Variants in DENND10 observed in about 807,000 individuals in gnomAD.
DENND10 encodes DENN domain containing 10.
Under a neutral mutation model 43.6 loss-of-function variants are expected in DENND10, and 24 were observed. The observed-to-expected ratio is 0.55, with a 90% confidence interval of 0.40 to 0.77. The LOEUF is 0.77. Among genes scored for constraint, DENND10 ranks in the 30% least tolerant of loss-of-function variants. DENND10 has a pLI of 0.00. For synonymous variants in DENND10, 125 were observed against 157.6 expected, an observed-to-expected ratio of 0.79 and a Z score of 1.55; for missense variants, 303 against 429.9, an observed-to-expected ratio of 0.70 and a Z score of 2.61.
chr10:119,104,351 G>C (rs1844577568), intron 1 of DENND10, among the ~76,000 whole-genome samples, 154 bp downstream of exon 1: 1 of 151,670 alleles, frequency 6.6e-6, no homozygotes, highest in African/African-American at 2.4e-5. Flanking sequence ...GGGGACTGCG[G>C]AGCCCGGCCT....
chr10:119,111,980 A>G (rs1464368535), intron 3 of DENND10, 52 bp downstream of exon 3: 10 of 1,310,068 alleles, frequency 7.6e-6, no homozygotes, highest in African/African-American at 4.4e-5. Context: ...AGACCTTAGT[A>G]TAGTTACATA....
At chr10:119,123,814 C>G (rs540000964) in intron 6 of DENND10, among the ~76,000 whole-genome samples, 1 of 151,790 alleles carries the variant, frequency 6.6e-6, no homozygotes, top group East Asian at 1.9e-4. Flanking sequence ...TGTGCATTCC[C>G]AAGTGGGATA....
rs375740201 is a variant in DENND10 at position 119,123,427 on chromosome 10, T to A, written c.594-42T>A. The A allele has an allele frequency of 1.7e-4, 237 of 1,432,084 alleles. No homozygotes were observed. In the African/African-American group the frequency reaches 3.1e-3, roughly 19 times the overall value. The allele number at this position is 1,432,084 out of a possible 1,614,324, so 88.7% of individuals were successfully genotyped here. ...AAGGGGGCAGGCTGAGTCTTTAAGG[T>A]GTGGACCAGCAACAACTTGAGTTCT... On this transcript the variant is annotated intron_variant, in intron 5 of 8. Coordinates refer to ENST00000361432, the MANE Select transcript of DENND10 (RefSeq NM_207009.4).
At chr10:119,126,547 C>T (rs1263562284) in intron 6 of DENND10, among the ~76,000 whole-genome samples, 12 of 152,184 alleles carry the variant, frequency 7.9e-5, no homozygotes, top group Non-Finnish European at 1.6e-4. Flanking sequence ...TCACTGCAAC[C>T]TCCACTTCCC....
chr10:119,107,587 A>G (rs766813254), intron 1 of DENND10, among the ~76,000 whole-genome samples: 40 of 151,986 alleles, frequency 2.6e-4, no homozygotes, highest in Admixed American at 1.6e-3. Flanking sequence ...TATTATTAGT[A>G]GAGATGGGGT....
intron 6 of DENND10, among the ~76,000 whole-genome samples, chr10:119,128,962 A>T (rs1485537220): frequency 3.3e-5 from 5 of 152,116 alleles, no homozygotes; most frequent in Non-Finnish European, 7.4e-5. Context: ...TCGACATGAG[A>T]TTTGGGTGGG....
At chr10:119,124,352 C>T (rs1422513194) in intron 6 of DENND10, among the ~76,000 whole-genome samples, 1 of 135,528 alleles carries the variant, frequency 7.4e-6, no homozygotes, top group African/African-American at 2.8e-5. Flanking sequence ...ATGGGGAAAC[C>T]GTATCTCTAC....
chr10:119,133,478 T>C (rs1242255424), intron 8 of DENND10: 1 of 152,260 alleles, frequency 6.6e-6, no homozygotes, highest in Non-Finnish European at 1.5e-5. Flanking sequence ...TGTTAGGCAT[T>C]GCACTGGCAG....
chr10:119,118,401 C>T (rs1845399526), intron 4 of DENND10, among the ~76,000 whole-genome samples: 1 of 152,194 alleles, frequency 6.6e-6, no homozygotes, highest in East Asian at 1.9e-4. Flanking sequence ...GCCTTGACCA[C>T]AAACTCCTAA....
intron 5 of DENND10, among the ~76,000 whole-genome samples, chr10:119,121,655 A>G (rs1399221914): frequency 1.3e-5 from 2 of 151,488 alleles, no homozygotes; most frequent in African/African-American, 4.9e-5. Context: ...GGGTTTCACC[A>G]TGTTGGCCAA....
intron 6 of DENND10, among the ~76,000 whole-genome samples, chr10:119,125,197 C>T (rs947541316): frequency 9.9e-5 from 15 of 151,852 alleles, no homozygotes; most frequent in African/African-American, 2.9e-4. Context: ...GTCTCAAATT[C>T]CTTACCTTAG....
At chr10:119,116,590 C>T (rs1033607930) in intron 3 of DENND10, among the ~76,000 whole-genome samples, 1 of 152,032 alleles carries the variant, frequency 6.6e-6, no homozygotes, top group Admixed American at 6.6e-5. Flanking sequence ...ACAAGGGGCT[C>T]CCAGATGTAA....
At chr10:119,105,467 T>G (rs1366951737) in intron 1 of DENND10, 3 of 1,014,614 alleles carry the variant, frequency 3.0e-6, no homozygotes, top group Non-Finnish European at 3.9e-6. Flanking sequence ...GTATTTTTTG[T>G]GGAGATGGGA....
intron 3 of DENND10, among the ~76,000 whole-genome samples, chr10:119,113,006 C>T (rs11198779): frequency 0.35 from 53,234 of 151,406 alleles, 9,740 homozygotes; most frequent in Non-Finnish European, 0.4. Flanking sequence ...GGTGCCACCA[C>T]GCCCAGCTAA....
rs771606570 is a variant in DENND10, at chr10:119,132,515, A to G, written c.803A>G (p.Glu268Gly). 1 of 1,611,072 alleles carries G rather than the reference A, an allele frequency of 6.2e-7. No individual in the cohort carries two copies. The highest frequency in any genetic ancestry group is 8.5e-7 in the Non-Finnish European group (1 of 1,177,192). ...ATATTCACCTTCTTGATCTCACCAG[A>G]GGCCATGGCAATGGGCAAACTGCAC... ...SEITIAPLAK[E>G]AMAMGKLHKE... Residue 268 changes from glutamate (E) to glycine (G), a missense_variant and splice_region_variant, in exon 8 of 9, where the codon GAG becomes GGG. Transcript: ENST00000361432. This position sits in a 1 kb window ranked among gnomAD's most constrained non-coding sequence, Gnocchi z 4.2.
chr10:119,109,829 T>C (rs1469012721), intron 2 of DENND10, among the ~76,000 whole-genome samples: 1 of 151,986 alleles, frequency 6.6e-6, no homozygotes, highest in Non-Finnish European at 1.5e-5. Flanking sequence ...TTTTTATTTT[T>C]TGAGTCAGAG....
chr10:119,107,188 G>A (rs1229714723), intron 1 of DENND10, among the ~76,000 whole-genome samples: 1 of 151,816 alleles, frequency 6.6e-6, no homozygotes, highest in Non-Finnish European at 1.5e-5. Flanking sequence ...ATGGTGGTGG[G>A]CACCTGTAAT....
chr10:119,107,961 A>G lies in DENND10; in HGVS notation c.56-7A>G, dbSNP rs201435821. ...ACATTCTCACAGTGACCATCTTTCCACCGTAGAAAAGGACACAAATGGAGA... is the reference window on the plus strand; with the variant it reads ...ACATTCTCACAGTGACCATCTTTCCGCCGTAGAAAAGGACACAAATGGAGA... On this transcript the variant is annotated splice_polypyrimidine_tract_variant and splice_region_variant and intron_variant, in intron 1 of 8. Transcript: ENST00000361432. The G allele has an allele frequency of 6.2e-7, 1 of 1,613,784 alleles. No homozygotes were observed. Among genetic ancestry groups the G allele is most frequent in the African/African-American group, 1.3e-5 (1 of 75,022 alleles).
chr10:119,123,421 T>C (rs1293905391), intron 5 of DENND10, 48 bp from the exon 6 acceptor site: 1 of 1,391,550 alleles, frequency 7.2e-7, no homozygotes, highest in Non-Finnish European at 1.0e-6. Context: ...GGCTGAGTCT[T>C]TAAGGTGTGG....
Sources: gnomAD v4.1 joint callset for allele counts (sites outside exome capture counted in the v4.1 genomes callset) on GRCh38, gnomAD v4.1.1 for gene constraint, Gnocchi (gnomAD v3.1) non-coding constraint, MANE v1.5 for transcripts, NCBI Gene and HGNC (gene_info 2026-07-23, HGNC 2026-07-21) for gene names.